RANBP3: variants seen among roughly 807,000 people sequenced by gnomAD.
The protein encoded by RANBP3 is RAN binding protein 3.
A neutral mutation model predicts 77.3 loss-of-function variants in RANBP3; 14 were observed. That is an observed-to-expected ratio of 0.18 (90% CI 0.12 to 0.28). RANBP3 has a LOEUF of 0.28. RANBP3 is among the 10% of genes least tolerant of loss of function. The pLI is 1.00. For synonymous variants in RANBP3, 315 were observed against 312.4 expected, an observed-to-expected ratio of 1.01 and a Z score of -0.09; for missense variants, 586 against 752.3, an observed-to-expected ratio of 0.78 and a Z score of 2.59.
chr19:5,937,561 A>C (rs2058082829), intron 5 of RANBP3, among the ~76,000 whole-genome samples: 1 of 152,204 alleles, frequency 6.6e-6, no homozygotes, highest in Non-Finnish European at 1.5e-5. Context: ...GAGAAAGCTA[A>C]ATGGGGTCTT....
At chr19:5,960,744 G>A (rs1306009896) in intron 1 of RANBP3, among the ~76,000 whole-genome samples, 1 of 152,186 alleles carries the variant, frequency 6.6e-6, no homozygotes, top group African/African-American at 2.4e-5. Flanking sequence ...GCAGGTGCAC[G>A]GAAGGGACTG....
intron 8 of RANBP3, 76 bp downstream of exon 8, chr19:5,931,328 A>G: frequency 6.6e-7 from 1 of 1,525,350 alleles, no homozygotes; most frequent in African/African-American, 1.4e-5. Flanking sequence ...TGGACTCCAC[A>G]GCATGCTGGG....
At chr19:5,923,155 G>A in intron 13 of RANBP3, 39 bp downstream of exon 13, 1 of 1,560,186 alleles carries the variant, frequency 6.4e-7, no homozygotes, top group Admixed American at 1.7e-5. Flanking sequence ...CCAGGTGCAT[G>A]GAAGACCCAG....
intron 1 of RANBP3, among the ~76,000 whole-genome samples, chr19:5,971,308 A>C (rs2145278945): frequency 6.6e-6 from 1 of 152,312 alleles, no homozygotes; most frequent in East Asian, 1.9e-4. Context: ...TTAACGTCTG[A>C]CTTAATAGAA....
At chr19:5,949,504 G>A (rs903433570) in intron 3 of RANBP3, among the ~76,000 whole-genome samples, 3 of 152,208 alleles carry the variant, frequency 2.0e-5, no homozygotes, top group Admixed American at 6.5e-5. Context: ...CTGAAAGTGG[G>A]TGTCCAAAAG....
At chr19:5,969,094 G>T (rs1194663809) in intron 1 of RANBP3, among the ~76,000 whole-genome samples, 1 of 152,208 alleles carries the variant, frequency 6.6e-6, no homozygotes, top group African/African-American at 2.4e-5. Flanking sequence ...GAAGAGCCTG[G>T]AGGCCCATGT....
chr19:5,935,615 G>C, intron 5 of RANBP3: 2 of 439,998 alleles, frequency 4.5e-6, no homozygotes, highest in South Asian at 3.2e-5. Context: ...CGCTAACGCT[G>C]AGGGGAGCCT....
At chr19:5,971,222 A>G (rs1181197090) in intron 1 of RANBP3, among the ~76,000 whole-genome samples, 2 of 152,240 alleles carry the variant, frequency 1.3e-5, no homozygotes, top group East Asian at 3.8e-4. Flanking sequence ...TTAGTTAAAT[A>G]ACATATTTTT....
chr19:5,968,689 G>A (rs1348251448), intron 1 of RANBP3, among the ~76,000 whole-genome samples: 3 of 152,178 alleles, frequency 2.0e-5, no homozygotes, highest in Non-Finnish European at 2.9e-5. Flanking sequence ...TCAGGTGCTC[G>A]GAATGCCTGA....
rs565418427 is a variant in RANBP3, at chr19:5,952,093, C to T, written c.79-497G>A. ...AGGGTCAAGGGCTTCTGCCTCTCGCCGGGGTCAAGGGCTTCTGCCTCTCAC... is the reference window on the plus strand; with the variant it reads ...AGGGTCAAGGGCTTCTGCCTCTCGCTGGGGTCAAGGGCTTCTGCCTCTCAC... On this transcript the variant is annotated intron_variant, in intron 2 of 16. Coordinates refer to ENST00000340578, the MANE Select transcript of RANBP3 (RefSeq NM_007322.3). This position sits in a 1 kb window ranked among gnomAD's most constrained non-coding sequence, Gnocchi z 4.1. 9.2e-5 allele frequency among the ~76,000 whole-genome samples: 14 copies of T among 151,764 alleles called. No homozygotes were observed. The East Asian group carries it at 1.4e-3, about 15-fold the overall frequency.
At position 5,958,359 on chromosome 19, in the gene RANBP3, G is replaced by A. The variant is rs528108274; in HGVS notation, c.23-386C>T. 2.2e-4 allele frequency among the ~76,000 whole-genome samples: 33 copies of A among 152,214 alleles called. No individual in the cohort carries two copies. The South Asian group carries it at 6.8e-3, about 32-fold the overall frequency. ...ATTGCAAATGTTAGAGACTAATTTA[G>A]CTTTTTAAAGTTTACAGGCCAGAGG... On this transcript the variant is annotated intron_variant, in intron 1 of 16. Transcript: ENST00000340578. The surrounding 1 kb of genome is among the most constrained non-coding windows in gnomAD (Gnocchi z 4.4).
In RANBP3 at chr19:5,918,484, T is replaced by G. The variant is rs760439559; in HGVS notation, c.1473+12A>C. 5.4e-6 allele frequency: 8 copies of G among 1,493,206 alleles called. No individual in the cohort carries two copies. Among genetic ancestry groups the G allele is most frequent in the Non-Finnish European group, 7.2e-6 (8 of 1,105,364 alleles). 92.5% of individuals were successfully genotyped at this position (1,493,206 alleles called of 1,614,324 possible). On this transcript the variant is annotated intron_variant, in intron 15 of 16. Coordinates refer to ENST00000340578, the MANE Select transcript of RANBP3 (RefSeq NM_007322.3). ...ATGAGGGGTCCCAGATGCACCCGCG[T>G]GGCTGGCTCACCGAGATCAGGAAGA... is the stretch of plus-strand genomic sequence containing the variant.
intron 1 of RANBP3, among the ~76,000 whole-genome samples, chr19:5,961,938 G>C (rs377141694): frequency 4.0e-5 from 6 of 151,736 alleles, no homozygotes; most frequent in East Asian, 2.0e-4. Context: ...TACCAAGAGC[G>C]CGTGGTTCCC....
intron 14 of RANBP3, 56 bp from the exon 15 acceptor site, chr19:5,918,694 G>T: frequency 6.3e-7 from 1 of 1,589,446 alleles, no homozygotes. Flanking sequence ...CTCACAAACA[G>T]CCAGCTCCAA....
rs781006376 is a variant in RANBP3, at chr19:5,921,228, C to A, written c.1303G>T (p.Asp435Tyr). 3 of 1,612,910 alleles carry A rather than the reference C, an allele frequency of 1.9e-6. 1 individual carries two copies. The highest frequency in any genetic ancestry group is 2.2e-5 in the East Asian group (1 of 44,870). ...LLRLNDMAST[D>Y]DGTLQSRLVM... is the part of the protein sequence containing the mutation. ...AGTCGGGACTGTAGTGTGCCGTCAT[C>A]GGTGGACGCCATGTCATTGAGTCTG... Residue 435 changes from aspartate to tyrosine, a missense_variant, in exon 14 of 17, where the codon GAT (aspartate) becomes TAT (tyrosine). Physicochemically the swap from Asp to Tyr is radical, Grantham distance 160. Transcript: ENST00000340578. This position sits in a 1 kb window ranked among gnomAD's most constrained non-coding sequence, Gnocchi z 5.3.
At chr19:5,960,353 G>A (rs752189449) in intron 1 of RANBP3, among the ~76,000 whole-genome samples, 3 of 152,184 alleles carry the variant, frequency 2.0e-5, no homozygotes, top group Non-Finnish European at 4.4e-5. Context: ...TTACACACAT[G>A]CTGCACTCCA....
chr19:5,928,853 CT>C (rs2057949366), intron 8 of RANBP3, among the ~76,000 whole-genome samples: 1 of 152,188 alleles, frequency 6.6e-6, no homozygotes, highest in Admixed American at 6.5e-5. Context: ...TTGTATATGT[CT>C]TTCCTATACC....
At position 5,924,680 on chromosome 19, in the gene RANBP3, G is replaced by T. The variant is rs2057877259; in HGVS notation, c.996+147C>A. On this transcript the variant is annotated intron_variant, in intron 11 of 16. Transcript: ENST00000340578. The surrounding 1 kb of genome is among the most constrained non-coding windows in gnomAD (Gnocchi z 4.7). ...TGGCCAGTTTTCAGGCTGAGTCTGA[G>T]CAGGGTCTTCCCTCTCTCACTTGCT... is the stretch of plus-strand genomic sequence containing the variant. 3.6e-6 allele frequency: 3 copies of T among 833,480 alleles called. No individual in the cohort carries two copies. Among genetic ancestry groups the T allele is most frequent in the South Asian group, 1.5e-5 (1 of 67,930 alleles). 51.6% of individuals were successfully genotyped at this position (833,480 alleles called of 1,614,324 possible).
chr19:5,937,146 G>A (rs771136099), intron 5 of RANBP3, among the ~76,000 whole-genome samples: 1 of 149,430 alleles, frequency 6.7e-6, no homozygotes, highest in African/African-American at 2.5e-5. Flanking sequence ...ATCACTGGGC[G>A]CGAACACTGG....
Sources: gnomAD v4.1 joint callset for allele counts (sites outside exome capture counted in the v4.1 genomes callset) on GRCh38, gnomAD v4.1.1 for gene constraint, Gnocchi (gnomAD v3.1) non-coding constraint, MANE v1.5 for transcripts, NCBI Gene and HGNC (gene_info 2026-07-23, HGNC 2026-07-21) for gene names.